The following DEPDC1B variants were observed in gnomAD, a reference collection of about 807,000 sequenced individuals.
DEPDC1B encodes the protein DEP domain-containing protein 1B.
A neutral mutation model predicts 66.5 loss-of-function variants in DEPDC1B; 51 were observed. The ratio of observed to expected loss-of-function variants is 0.77; its 90% CI spans 0.61 to 0.97. DEPDC1B has a LOEUF of 0.97. Among genes scored for constraint, DEPDC1B ranks in the 50% least tolerant of loss-of-function variants. The pLI is 0.00. For synonymous variants in DEPDC1B, 226 were observed against 223.6 expected, an observed-to-expected ratio of 1.01 and a Z score of -0.10; for missense variants, 552 against 637.1, an observed-to-expected ratio of 0.87 and a Z score of 1.44.
At chr5:60,692,365 A>ATGGT (rs1411626451) in intron 1 of DEPDC1B, among the ~76,000 whole-genome samples, 1 of 152,216 alleles carries the variant, frequency 6.6e-6, no homozygotes, top group Non-Finnish European at 1.5e-5. Flanking sequence ...GGTGATGGAT[A>ATGGT]TGGTAATTAG....
At position 60,638,889 on chromosome 5, in the gene DEPDC1B, C is replaced by T. The variant is rs776591200; in HGVS notation, c.759G>A (p.Trp253Ter). 32 of 1,605,338 alleles carry T rather than the reference C, an allele frequency of 2.0e-5. No homozygotes were observed. Among genetic ancestry groups the T allele is most frequent in the Non-Finnish European group, 2.7e-5 (32 of 1,177,640 alleles). Residue 253 changes from tryptophan to a stop codon, truncating the protein, a stop_gained and splice_region_variant, in exon 7 of 11, where the codon TGG becomes TGA. Coordinates refer to ENST00000265036, the MANE Select transcript of DEPDC1B (RefSeq NM_018369.3). LOFTEE classifies it high-confidence loss of function. ...VLSAMKCLAN[W>*]PNCSDLKQPM... ...GCTGCTTCAAATCAGAACAGTTGGG[C>T]CCTATTTTCAAAAAGAGAGTGAAAG...
At position 60,687,293 on chromosome 5, in the gene DEPDC1B, ATAAT is replaced by A. The variant is rs1754442652; in HGVS notation, c.49-70_49-67del. On this transcript the variant is annotated intron_variant, in intron 1 of 10. Transcript: ENST00000265036. ...TTTTTTTAAGATTACTACATCTCAA[ATAAT>A]TAAAGCAAAGAATGCAATTTTTCCA... The A allele has an allele frequency of 2.0e-6, 3 of 1,523,552 alleles. No individual in the cohort carries two copies. In the South Asian group the frequency reaches 3.9e-5, roughly 20 times the overall value. 94.4% of individuals were successfully genotyped at this position (1,523,552 alleles called of 1,614,324 possible). A position where few individuals can be genotyped will look rare whatever the true frequency, so the allele number is the denominator to read the frequency against.
chr5:60,638,626 A>C, intron 7 of DEPDC1B, 124 bp downstream of exon 7: 1 of 994,278 alleles, frequency 1.0e-6, no homozygotes. Flanking sequence ...GCTATGCCAA[A>C]TACTCTATCA....
rs1752124908 is a variant in DEPDC1B, at chr5:60,597,758, T to C, written c.1585A>G (p.Met529Val). ...CTGTTGCTGTGGAAGTATTATTACA[T>C]TCGAAAACTTCTAGTTCTTTGAAAT... ...QPFQRTRSFR[M>V] Residue 529 changes from methionine (M) to valine (V), a missense_variant, in exon 11 of 11, where the codon ATG (methionine) becomes GTG (valine). By Grantham distance (21) the Met-to-Val change is conservative. Transcript: ENST00000265036. 4 of 1,612,512 alleles carry C rather than the reference T, an allele frequency of 2.5e-6. No homozygotes were observed. Among genetic ancestry groups the C allele is most frequent in the Non-Finnish European group, 3.4e-6 (4 of 1,179,406 alleles).
Position 60,644,876 on chromosome 5 carries a change from C to A in DEPDC1B, c.579-1G>T. 6.3e-7 allele frequency: 1 copy of A among 1,592,856 alleles called. No individual in the cohort carries two copies. Among genetic ancestry groups the A allele is most frequent in the Admixed American group, 1.8e-5 (1 of 57,124 alleles). On this transcript the variant is annotated splice_acceptor_variant, in intron 4 of 10. Transcript: ENST00000265036. LOFTEE classifies it high-confidence loss of function. ...ATCCAGGCCAAGAATTTTCTGTAAGCTAAAAGATAAGTAATTATATTAATT... is the reference window on the plus strand; with the variant it reads ...ATCCAGGCCAAGAATTTTCTGTAAGATAAAAGATAAGTAATTATATTAATT...
At chr5:60,687,319 T>C (rs1329268129) in intron 1 of DEPDC1B, 92 bp from the exon 2 acceptor site, 2 of 1,448,444 alleles carry the variant, frequency 1.4e-6, no homozygotes, top group Non-Finnish European at 1.9e-6. Context: ...ATGCAATTTT[T>C]CCACTTAAAC....
chr5:60,628,110 A>T (rs1054818365), intron 7 of DEPDC1B: 1 of 152,232 alleles, frequency 6.6e-6, no homozygotes, highest in Admixed American at 6.5e-5. Context: ...ATAAGTGAAT[A>T]AATAATTTAA....
At chr5:60,611,096 C>A (rs945072752) in intron 7 of DEPDC1B, among the ~76,000 whole-genome samples, 2 of 152,190 alleles carry the variant, frequency 1.3e-5, no homozygotes, top group African/African-American at 2.4e-5. Context: ...ATTTTTCCAA[C>A]AACATGGGCT....
intron 1 of DEPDC1B, among the ~76,000 whole-genome samples, chr5:60,695,194 C>T (rs1754627355): frequency 6.6e-6 from 1 of 152,060 alleles, no homozygotes; most frequent in South Asian, 2.1e-4. Context: ...AAAGAAATAC[C>T]TGACACTGGG....
intron 7 of DEPDC1B, among the ~76,000 whole-genome samples, chr5:60,620,082 G>A (rs1752666739): frequency 6.6e-6 from 1 of 152,192 alleles, no homozygotes; most frequent in South Asian, 2.1e-4. Context: ...AAACTGGCTA[G>A]CCATATGTAG....
At chr5:60,623,768 T>G (rs558915035) in intron 7 of DEPDC1B, among the ~76,000 whole-genome samples, 183 of 152,322 alleles carry the variant, frequency 1.2e-3, no homozygotes, top group African/African-American at 4.2e-3. Context: ...CATCCCTGAG[T>G]ATTCCATGTT....
Position 60,653,878 on chromosome 5 carries a change from A to T in DEPDC1B, c.315-6345T>A, listed in dbSNP as rs1186168347. On this transcript the variant is annotated intron_variant, in intron 2 of 10. Coordinates refer to ENST00000265036, the MANE Select transcript of DEPDC1B (RefSeq NM_018369.3). The stretch of plus-strand genomic sequence containing the variant: ...GAATAGGGTGTCCTTTCCCCACTTT[A>T]TGTTTTTCTTTGCTTTGTTGAAGAT... Among the ~76,000 whole-genome samples the T allele has an allele frequency of 2.7e-5, 3 of 112,262 alleles. 1 individual carries two copies. Among genetic ancestry groups the T allele is most frequent in the Non-Finnish European group, 5.1e-5 (3 of 59,168 alleles). The allele number at this position is 112,262 out of a possible 152,430, so 73.6% of individuals were successfully genotyped here.
At chr5:60,602,941 A>G (rs181161170) in intron 9 of DEPDC1B, among the ~76,000 whole-genome samples, 1 of 152,326 alleles carries the variant, frequency 6.6e-6, no homozygotes, top group East Asian at 1.9e-4. Flanking sequence ...GATAGTTTAG[A>G]GCACTGATTA....
intron 7 of DEPDC1B, among the ~76,000 whole-genome samples, chr5:60,612,657 T>G (rs1752439871): frequency 6.6e-6 from 1 of 150,810 alleles, no homozygotes; most frequent in African/African-American, 2.4e-5. Context: ...ACAGAAGTAT[T>G]TATAGGTGAT....
chr5:60,629,189 T>C (rs1330169988), intron 7 of DEPDC1B, among the ~76,000 whole-genome samples: 2 of 152,244 alleles, frequency 1.3e-5, no homozygotes, highest in Non-Finnish European at 2.9e-5. Flanking sequence ...GAATTTTTTA[T>C]GGTGAAGAGC....
chr5:60,602,518 CAGA>C (rs1752221220), intron 9 of DEPDC1B, among the ~76,000 whole-genome samples: 1 of 152,140 alleles, frequency 6.6e-6, no homozygotes, highest in Non-Finnish European at 1.5e-5. Context: ...TCCAATCAGT[CAGA>C]AGGAGTCAAG....
At chr5:60,619,813 C>A (rs564449576) in intron 7 of DEPDC1B, among the ~76,000 whole-genome samples, 27 of 152,196 alleles carry the variant, frequency 1.8e-4, no homozygotes, top group African/African-American at 5.3e-4. Context: ...TGGAACCAAA[C>A]AAGAGCCCGC....
chr5:60,651,530 A>T (rs1407684411), intron 2 of DEPDC1B, among the ~76,000 whole-genome samples: 5 of 139,800 alleles, frequency 3.6e-5, no homozygotes, highest in Non-Finnish European at 7.6e-5. Context: ...GACTCCACCT[A>T]AAAAAAAAAC....
chr5:60,663,804 C>T (rs1013988065), intron 2 of DEPDC1B, among the ~76,000 whole-genome samples: 2 of 152,358 alleles, frequency 1.3e-5, no homozygotes, highest in Non-Finnish European at 1.5e-5. Context: ...TTCCTCACCA[C>T]TTGTGGCTAC....
Sources: allele counts gnomAD v4.1 joint callset (sites outside exome capture counted in the v4.1 genomes callset), GRCh38; gene constraint gnomAD v4.1.1; transcripts MANE v1.5; gene names NCBI Gene and HGNC (gene_info 2026-07-23, HGNC 2026-07-21).